PLEKHA6: variants seen among roughly 807,000 people sequenced by gnomAD.
The protein encoded by PLEKHA6 is pleckstrin homology domain containing A6.
Under a neutral mutation model 116.7 loss-of-function variants are expected in PLEKHA6, and 60 were observed. The ratio of observed to expected loss-of-function variants is 0.51; its 90% CI spans 0.42 to 0.64. The LOEUF (loss-of-function observed/expected upper bound fraction) is 0.64, where lower values mean the gene tolerates loss of function less well. PLEKHA6 is among the 30% of genes least tolerant of loss of function. PLEKHA6 has a pLI of 0.00. For missense variants in PLEKHA6, 1,338 were observed against 1,422.7 expected (o/e 0.94, Z 0.96); for synonymous variants, 489 against 556.1 (o/e 0.88, Z 1.70).
intron 1 of PLEKHA6, among the ~76,000 whole-genome samples, chr1:204,322,562 A>T (rs1173655973): frequency 6.6e-6 from 1 of 152,232 alleles, no homozygotes; most frequent in Non-Finnish European, 1.5e-5. Flanking sequence ...CTGGCTGCTT[A>T]GCCGGTGGTC....
intron 1 of PLEKHA6, among the ~76,000 whole-genome samples, chr1:204,352,832 A>G (rs181345220): frequency 3.4e-4 from 51 of 152,224 alleles, no homozygotes; most frequent in Non-Finnish European, 6.2e-4. Flanking sequence ...AAAAAATAAA[A>G]TAATCAGCCA....
At chr1:204,266,117 A>G (rs1285977961) in intron 5 of PLEKHA6, among the ~76,000 whole-genome samples, 1 of 151,524 alleles carries the variant, frequency 6.6e-6, no homozygotes, top group African/African-American at 2.4e-5. Context: ...CCTCCTACTC[A>G]TCACATCTAC....
At chr1:204,345,072 A>C (rs1444639982) in intron 1 of PLEKHA6, among the ~76,000 whole-genome samples, 1 of 152,190 alleles carries the variant, frequency 6.6e-6, no homozygotes, top group Non-Finnish European at 1.5e-5. Flanking sequence ...ATCGGCGAGA[A>C]AGACATATGT....
chr1:204,225,982 T>C (rs1660306230), intron 21 of PLEKHA6, among the ~76,000 whole-genome samples: 1 of 152,226 alleles, frequency 6.6e-6, no homozygotes. Flanking sequence ...CATAACAGCA[T>C]TCCTCACTGA....
intron 17 of PLEKHA6, among the ~76,000 whole-genome samples, chr1:204,231,438 A>T (rs1487483399): frequency 6.6e-6 from 1 of 152,216 alleles, no homozygotes; most frequent in Non-Finnish European, 1.5e-5. Flanking sequence ...AAAATGGCAA[A>T]GATGTGCATA....
At chr1:204,224,894 G>A (rs1039178771) in intron 21 of PLEKHA6, among the ~76,000 whole-genome samples, 2 of 152,168 alleles carry the variant, frequency 1.3e-5, no homozygotes, top group Admixed American at 6.5e-5. Context: ...CAAAAACGAA[G>A]CAAAAGATAT....
Position 204,259,419 on chromosome 1 carries a change from G to A in PLEKHA6, c.846C>T (p.Ser282=). 6.2e-7 allele frequency: 1 copy of A among 1,614,256 alleles called. No homozygotes were observed. Among genetic ancestry groups the A allele is most frequent in the Non-Finnish European group, 8.5e-7 (1 of 1,180,044 alleles). Residue 282 remains serine, a synonymous_variant, in exon 8 of 23, where the codon AGC becomes AGT. Coordinates refer to ENST00000272203, the MANE Select transcript of PLEKHA6 (RefSeq NM_014935.5). This position sits in a 1 kb window ranked among gnomAD's most constrained non-coding sequence, Gnocchi z 4.6. ...CTCCATCCTGAGACGGGAAAGCTGT[G>A]CTCCCTGGCCGGCTTGGGGAGTGGT... The part of the protein sequence containing the change: ...WQYHSPSRPG[S]TAFPSQDGET...
intron 1 of PLEKHA6, among the ~76,000 whole-genome samples, chr1:204,289,944 A>ATT (rs1340066303): frequency 6.6e-6 from 1 of 152,248 alleles, no homozygotes; most frequent in Non-Finnish European, 1.5e-5. Context: ...TTAAAACACC[A>ATT]TTTATAATAG....
chr1:204,373,850 G>A (rs1403619474), intron 1 of PLEKHA6, among the ~76,000 whole-genome samples: 2 of 152,250 alleles, frequency 1.3e-5, no homozygotes, highest in Middle Eastern at 3.4e-3. Flanking sequence ...TGACTTCTGA[G>A]CTCAGGCACC....
At chr1:204,242,374 A>C (rs1193952728) in intron 15 of PLEKHA6, among the ~76,000 whole-genome samples, 1 of 152,242 alleles carries the variant, frequency 6.6e-6, no homozygotes, top group Non-Finnish European at 1.5e-5. Context: ...AAAGGTCAGC[A>C]GCTCCAGTTC....
chr1:204,303,640 G>C (rs942132828), intron 1 of PLEKHA6, among the ~76,000 whole-genome samples: 1 of 152,114 alleles, frequency 6.6e-6, no homozygotes, highest in Non-Finnish European at 1.5e-5. Context: ...ATCCTCAAAA[G>C]GTAGAAGACT....
chr1:204,254,484 T>C (rs538069577), intron 9 of PLEKHA6, among the ~76,000 whole-genome samples: 2 of 152,312 alleles, frequency 1.3e-5, no homozygotes, highest in African/African-American at 4.8e-5. Context: ...GAACTCATCC[T>C]AATGAGGTTT....
chr1:204,250,405 A>G (rs1664374501), intron 10 of PLEKHA6, 141 bp downstream of exon 10: 2 of 668,478 alleles, frequency 3.0e-6, no homozygotes, highest in South Asian at 1.7e-5. Flanking sequence ...AATCAAAGGT[A>G]TGAAAAGCCA....
intron 1 of PLEKHA6, among the ~76,000 whole-genome samples, chr1:204,300,613 C>G (rs1433262074): frequency 6.6e-6 from 1 of 152,134 alleles, no homozygotes; most frequent in Non-Finnish European, 1.5e-5. Context: ...AGAAAGTACC[C>G]CCCTAATCAG....
intron 2 of PLEKHA6, chr1:204,368,722 A>T (rs1326566778): frequency 6.6e-6 from 1 of 152,426 alleles, no homozygotes; most frequent in Non-Finnish European, 1.5e-5. Flanking sequence ...GAGACCCAAG[A>T]GAGTCCACTG....
chr1:204,326,718 AT>A (rs2103250550), intron 1 of PLEKHA6, among the ~76,000 whole-genome samples: 1 of 152,332 alleles, frequency 6.6e-6, no homozygotes, highest in South Asian at 2.1e-4. Context: ...GAGTCGGAGG[AT>A]AAATGTAATC....
At chr1:204,299,653 C>T in intron 1 of PLEKHA6, 1 of 985,186 alleles carries the variant, frequency 1.0e-6, no homozygotes, top group Non-Finnish European at 1.2e-6. Flanking sequence ...CGTGGGTCTT[C>T]TACTGTCTTA....
chr1:204,270,568 A>G (rs758679458), intron 3 of PLEKHA6, among the ~76,000 whole-genome samples: 1 of 152,150 alleles, frequency 6.6e-6, no homozygotes, highest in Non-Finnish European at 1.5e-5. Flanking sequence ...GTTCCATTAC[A>G]CAATCATGTA....
In PLEKHA6 at chr1:204,241,736, C is replaced by T; in HGVS notation, c.2251G>A (p.Val751Met). ...GCCTCTACCTCTTGCCTGGTGGGCA[C>T]AAGGCTGATGTCTCTGGGGGTGTCC... ...PLDTPRDISLVPTRQEVEAEK... is the reference protein window; with the variant it reads ...PLDTPRDISLMPTRQEVEAEK... Residue 751 changes from valine to methionine, a missense_variant, in exon 16 of 23, where the codon GTG becomes ATG. Transcript: ENST00000272203. 1 of 1,612,810 alleles carries T rather than the reference C, an allele frequency of 6.2e-7. No homozygotes were observed.
Sources: allele counts gnomAD v4.1 joint callset (sites outside exome capture counted in the v4.1 genomes callset), GRCh38; gene constraint gnomAD v4.1.1; non-coding constraint Gnocchi (gnomAD v3.1); transcripts MANE v1.5; gene names NCBI Gene and HGNC (gene_info 2026-07-23, HGNC 2026-07-21).